The following BABAM2 variants were observed in gnomAD, a reference collection of about 807,000 sequenced individuals.
BABAM2 encodes the protein BRISC and BRCA1 A complex member 2.
Under a neutral mutation model 54.7 loss-of-function variants are expected in BABAM2, and 31 were observed. The observed-to-expected ratio is 0.57, with a 90% CI of 0.43 to 0.77. BABAM2 has a LOEUF of 0.77. Ranked by LOEUF, BABAM2 falls within the 30% of genes least tolerant of loss-of-function variation. The pLI is 0.00. For synonymous variants in BABAM2, 167 were observed against 162.9 expected (o/e 1.03, Z -0.19); for missense variants, 364 against 455.8 (o/e 0.80, Z 1.83).
chr2:28,180,726 G>A (rs1675530203), intron 7 of BABAM2, among the ~76,000 whole-genome samples: 1 of 151,928 alleles, frequency 6.6e-6, no homozygotes, highest in African/African-American at 2.4e-5. Flanking sequence ...ATCTGCCAAG[G>A]ACTAATATCC....
intron 3 of BABAM2, among the ~76,000 whole-genome samples, chr2:27,978,096 A>C (rs1159782724): frequency 6.6e-6 from 1 of 152,168 alleles, no homozygotes; most frequent in East Asian, 1.9e-4. Flanking sequence ...TGTGACCTCC[A>C]GTGTTGGAGG....
chr2:27,979,153 A>AAGTAGCTGAGACTAC (rs1573314932), intron 3 of BABAM2, among the ~76,000 whole-genome samples: 2 of 151,148 alleles, frequency 1.3e-5, no homozygotes, highest in East Asian at 3.9e-4. Context: ...TTAGCCTCCC[A>AAGTAGCTGAGACTAC]AGTAGCTGAG....
intron 4 of BABAM2, among the ~76,000 whole-genome samples, chr2:28,018,238 G>T (rs1307820387): frequency 1.3e-5 from 2 of 152,092 alleles, no homozygotes; most frequent in East Asian, 3.9e-4. Flanking sequence ...TAGCTCCCAC[G>T]TGTGAGTGAG....
Position 27,961,722 on chromosome 2 carries a change from C to CT in BABAM2, c.206-26250dup, listed in dbSNP as rs5830058. On this transcript the variant is annotated intron_variant, in intron 3 of 11. Coordinates refer to ENST00000379624, the MANE Select transcript of BABAM2 (RefSeq NM_199191.3). ...ATACATCTCTAATTCCCTTAATTAT[C>CT]TTTTTTTTTTTTTTTTTTTTTGAGA... 6.1e-3 allele frequency among the ~76,000 whole-genome samples: 605 copies of CT among 99,012 alleles called. 12 individuals carry two copies. Among genetic ancestry groups the CT allele is most frequent in the East Asian group, 0.018 (67 of 3,756 alleles). The allele number at this position is 99,012 out of a possible 152,430, so 65.0% of individuals were successfully genotyped here. A position where few individuals can be genotyped will look rare whatever the true frequency, so the allele number is the denominator to read the frequency against.
intron 7 of BABAM2, among the ~76,000 whole-genome samples, chr2:28,157,248 T>A (rs1672632503): frequency 6.6e-6 from 1 of 152,152 alleles, no homozygotes; most frequent in Admixed American, 6.5e-5. Context: ...AGATTACCAG[T>A]CCTGGAAAAA....
chr2:27,997,045 A>G (rs1050823959), intron 4 of BABAM2, among the ~76,000 whole-genome samples: 1 of 152,188 alleles, frequency 6.6e-6, no homozygotes, highest in Non-Finnish European at 1.5e-5. Context: ...ATAAAATACA[A>G]TGTACATGTA....
intron 2 of BABAM2, among the ~76,000 whole-genome samples, chr2:27,922,886 T>C (rs1416173821): frequency 6.6e-6 from 1 of 152,240 alleles, no homozygotes; most frequent in African/African-American, 2.4e-5. Flanking sequence ...ACCTTGGCTC[T>C]AACTATGTGT....
At chr2:27,900,558 A>G (rs1573117298) in intron 2 of BABAM2, among the ~76,000 whole-genome samples, 1 of 152,136 alleles carries the variant, frequency 6.6e-6, no homozygotes. Flanking sequence ...TTCACATGTA[A>G]TGTAGTAAGT....
chr2:27,930,702 A>T (rs1232628981), intron 3 of BABAM2, among the ~76,000 whole-genome samples: 1 of 152,224 alleles, frequency 6.6e-6, no homozygotes, highest in African/African-American at 2.4e-5. Flanking sequence ...GATGGATAGT[A>T]TGGAAGATCT....
chr2:28,086,489 T>C (rs1286003920), intron 6 of BABAM2, among the ~76,000 whole-genome samples: 1 of 152,230 alleles, frequency 6.6e-6, no homozygotes, highest in African/African-American at 2.4e-5. Flanking sequence ...ACCTGTTCAA[T>C]GCATGTGAAT....
intron 6 of BABAM2, among the ~76,000 whole-genome samples, chr2:28,074,301 T>C (rs1480240685): frequency 6.6e-6 from 1 of 152,184 alleles, no homozygotes; most frequent in Non-Finnish European, 1.5e-5. Flanking sequence ...CTATCATGTA[T>C]GTTATAGAAT....
At chr2:28,028,802 T>A (rs1387653268) in intron 5 of BABAM2, among the ~76,000 whole-genome samples, 1 of 152,192 alleles carries the variant, frequency 6.6e-6, no homozygotes, top group Non-Finnish European at 1.5e-5. Flanking sequence ...AGTCTCACTC[T>A]GTGGCCCAGG....
chr2:27,903,416 A>G (rs753287697), intron 2 of BABAM2, among the ~76,000 whole-genome samples: 7 of 152,232 alleles, frequency 4.6e-5, no homozygotes, highest in South Asian at 2.1e-4. Flanking sequence ...GAAACATACC[A>G]TAATTTAGTT....
intron 4 of BABAM2, among the ~76,000 whole-genome samples, chr2:28,009,289 T>G (rs1211216230): frequency 1.3e-5 from 2 of 152,142 alleles, no homozygotes; most frequent in Non-Finnish European, 2.9e-5. Flanking sequence ...ACAGTTATTC[T>G]GATGATAGCC....
At chr2:28,043,350 C>T (rs1313377237) in intron 5 of BABAM2, among the ~76,000 whole-genome samples, 7 of 151,952 alleles carry the variant, frequency 4.6e-5, no homozygotes, top group African/African-American at 1.2e-4. Context: ...AGGCTGGTCT[C>T]GAACTCCTGA....
At chr2:28,323,928 A>C (rs1161617236) in intron 11 of BABAM2, among the ~76,000 whole-genome samples, 1 of 152,216 alleles carries the variant, frequency 6.6e-6, no homozygotes. Flanking sequence ...AGCACTTCCA[A>C]GAACCACATG....
chr2:27,933,851 G>A (rs184148037), intron 3 of BABAM2, among the ~76,000 whole-genome samples: 122 of 147,526 alleles, frequency 8.3e-4, no homozygotes, highest in African/African-American at 2.3e-3. Flanking sequence ...TTCTTCCTGC[G>A]TCAGCCTAAG....
chr2:28,299,112 C>A (rs1165453973), intron 11 of BABAM2, among the ~76,000 whole-genome samples: 1 of 152,178 alleles, frequency 6.6e-6, no homozygotes, highest in African/African-American at 2.4e-5. Context: ...GCAGTGTATA[C>A]CATAGCTGTT....
chr2:28,314,844 A>G (rs1420745760), intron 11 of BABAM2, among the ~76,000 whole-genome samples: 1 of 151,910 alleles, frequency 6.6e-6, no homozygotes, highest in East Asian at 1.9e-4. Flanking sequence ...CAGAGAGGGG[A>G]GGACACTCCT....
Sources: gnomAD v4.1 joint callset for allele counts (sites outside exome capture counted in the v4.1 genomes callset) on GRCh38, gnomAD v4.1.1 for gene constraint, MANE v1.5 for transcripts, NCBI Gene and HGNC (gene_info 2026-07-23, HGNC 2026-07-21) for gene names.